The following IPO9 variants were observed in gnomAD, a reference collection of about 807,000 sequenced individuals.
IPO9 encodes the protein importin-9.
In IPO9, 28 loss-of-function variants were observed where a neutral mutation model predicts 128.6. The ratio of observed to expected loss-of-function variants is 0.22; its 90% CI spans 0.16 to 0.30. The LOEUF is 0.30. IPO9 is among the 10% of genes least tolerant of loss of function. The probability of loss-of-function intolerance (pLI) is 1.00; values close to 1 mark genes in which losing one functional copy is unlikely to be tolerated. For synonymous variants in IPO9, 455 were observed against 475.8 expected (o/e 0.96, Z 0.57); for missense variants, 935 against 1,293.9 (o/e 0.72, Z 4.26).
Position 201,879,134 on chromosome 1 carries a change from C to G in IPO9, c.*3080C>G, listed in dbSNP as rs1434366266. ...AAAGCCCTAGGAAGGAAGCTGATAA[C>G]ACAAGTTACAGACGTATATGTGACA... On this transcript the variant is annotated 3_prime_UTR_variant, in exon 24 of 24. Coordinates refer to ENST00000361565, the MANE Select transcript of IPO9 (RefSeq NM_018085.5). 6.6e-6 allele frequency: 1 copy of G among 152,110 alleles called. No homozygotes were observed. The highest frequency in any genetic ancestry group is 1.5e-5 in the Non-Finnish European group (1 of 68,008). The allele number at this position is 152,110 out of a possible 1,614,324, so 9.4% of individuals were successfully genotyped here.
intron 11 of IPO9, 24 bp from the exon 12 acceptor site, chr1:201,858,423 T>C: frequency 1.5e-6 from 2 of 1,365,252 alleles, no homozygotes; most frequent in Non-Finnish European, 2.0e-6. Context: ...ACAAACAGAT[T>C]TATTAGCTCT....
intron 21 of IPO9, 39 bp from the exon 22 acceptor site, chr1:201,874,792 GA>G: frequency 1.4e-6 from 2 of 1,392,724 alleles, no homozygotes; most frequent in Non-Finnish European, 2.0e-6. Flanking sequence ...GAAAATGCAT[GA>G]ATGTGCTCTA....
chr1:201,836,344 G>T (rs12406710), intron 1 of IPO9, among the ~76,000 whole-genome samples: 1 of 152,096 alleles, frequency 6.6e-6, no homozygotes, highest in Non-Finnish European at 1.5e-5. Context: ...AAGAGCTTTA[G>T]AATTATTTTC....
rs894029030 is a variant in IPO9 at position 201,876,087 on chromosome 1, G to A, written c.*33G>A. The A allele has an allele frequency of 3.5e-6, 5 of 1,427,176 alleles. No individual in the cohort carries two copies. The highest frequency in any genetic ancestry group is 5.0e-6 in the Non-Finnish European group (5 of 1,009,822). 88.4% of individuals were successfully genotyped at this position (1,427,176 alleles called of 1,614,324 possible). Reference sequence around the variant, plus strand: ...AGCCTTTCTACATTTGCTCCTTCTGGGCCAGCCGCAAACCATTTTGCAGCC... The same window carrying A: ...AGCCTTTCTACATTTGCTCCTTCTGAGCCAGCCGCAAACCATTTTGCAGCC... On this transcript the variant is annotated 3_prime_UTR_variant, in exon 24 of 24. Transcript: ENST00000361565.
intron 3 of IPO9, 46 bp downstream of exon 3, chr1:201,847,684 C>G (rs747436176): frequency 7.7e-7 from 1 of 1,300,648 alleles, no homozygotes; most frequent in Non-Finnish European, 1.1e-6. Flanking sequence ...TTTGAGGGTC[C>G]ATTTTAAGAG....
At chr1:201,853,204 AT>A in intron 6 of IPO9, 107 bp downstream of exon 6, 1 of 820,002 alleles carries the variant, frequency 1.2e-6, no homozygotes, top group Non-Finnish European at 2.1e-6. Context: ...ACTAACCAGT[AT>A]TAGAGATAGA....
intron 1 of IPO9, 37 bp downstream of exon 1, chr1:201,829,409 C>T (rs755784687): frequency 1.1e-5 from 16 of 1,508,076 alleles, no homozygotes; most frequent in South Asian, 3.8e-5. Context: ...ATGGCTCAGC[C>T]GCACAATCCG....
At chr1:201,853,891 A>G (rs566180899) in intron 6 of IPO9, among the ~76,000 whole-genome samples, 1 of 152,344 alleles carries the variant, frequency 6.6e-6, no homozygotes, top group East Asian at 1.9e-4. Flanking sequence ...GGCACGCGCC[A>G]TCATGCCCAG....
rs542599389 is a variant in IPO9, at chr1:201,858,486, C to G, written c.1261C>G (p.Leu421Val). The G allele has an allele frequency of 7.2e-5, 112 of 1,553,776 alleles. No homozygotes were observed. In the East Asian group the frequency reaches 2.5e-3, roughly 35 times the overall value. Residue 421 changes from leucine to valine, a missense_variant, in exon 12 of 24, where the codon CTG (leucine) becomes GTG (valine). Around this residue, in one of 3 missense-constraint regions of IPO9, gnomAD observed 741 missense variants for 1,019.1 expected, o/e 0.73. Transcript: ENST00000361565. ...TTTCCAGAATGAAAGTGCAGCAGCC[C>G]TGGCTGCTGCAGCCACTCGACATTT... Reference protein sequence around the residue: ...TDFQNESAAALAAAATRHLQE... With the variant: ...TDFQNESAAAVAAAATRHLQE...
intron 11 of IPO9, 38 bp downstream of exon 11, chr1:201,857,232 T>C (rs1223515534): frequency 3.8e-6 from 5 of 1,314,912 alleles, no homozygotes; most frequent in Non-Finnish European, 5.5e-6. Context: ...ATAATTTCTA[T>C]CAGTCACTTG....
chr1:201,862,332 C>T (rs996271469), intron 13 of IPO9, among the ~76,000 whole-genome samples: 6 of 151,844 alleles, frequency 4.0e-5, no homozygotes, highest in African/African-American at 1.5e-4. Context: ...GTGGTACGCA[C>T]CTGTAATCCC....
chr1:201,832,551 G>A (rs1679854551), intron 1 of IPO9, among the ~76,000 whole-genome samples: 1 of 152,222 alleles, frequency 6.6e-6, no homozygotes, highest in African/African-American at 2.4e-5. Flanking sequence ...GAGCCAACCG[G>A]CCAGGCCGGA....
Position 201,847,576 on chromosome 1 carries a change from T to C in IPO9, c.250T>C (p.Tyr84His). The C allele has an allele frequency of 1.2e-6, 2 of 1,614,014 alleles. No individual in the cohort carries two copies. The highest frequency in any genetic ancestry group is 2.2e-5 in the South Asian group (2 of 91,086). ...RQLASVILKQYVETHWCAQSE... is the reference protein window; with the variant it reads ...RQLASVILKQHVETHWCAQSE... ...GCTGGCATCAGTCATCTTGAAACAA[T>C]ATGTGGAGACTCACTGGTGTGCCCA... Residue 84 changes from tyrosine to histidine, a missense_variant, in exon 3 of 24, where the codon TAT becomes CAT. By Grantham distance (83) the Tyr-to-His change is moderately conservative. This residue lies in a region of IPO9 where 741 missense variants were observed against 1,019.1 expected (regional missense o/e 0.73). Coordinates refer to ENST00000361565, the MANE Select transcript of IPO9 (RefSeq NM_018085.5).
chr1:201,875,967 C>T lies in IPO9; in HGVS notation c.3039C>T (p.Cys1013=), dbSNP rs1190435820. The change falls in exon 24 of 24, where the codon TGC becomes TGT. Residue 1013 remains cysteine, a synonymous_variant. Transcript: ENST00000361565. The part of the protein sequence containing the change: ...DLQAYLTDFL[C]QFAQQPCYIM... ...AGGCATATCTCACAGATTTCCTCTGCCAGTTTGCTCAGCAGCCCTGCTACA... is the reference window on the plus strand; with the variant it reads ...AGGCATATCTCACAGATTTCCTCTGTCAGTTTGCTCAGCAGCCCTGCTACA... 1 of 1,612,176 alleles carries T rather than the reference C, an allele frequency of 6.2e-7. No individual in the cohort carries two copies. Among genetic ancestry groups the T allele is most frequent in the South Asian group, 1.1e-5 (1 of 91,058 alleles).
At chr1:201,843,134 C>G (rs1355597867) in intron 1 of IPO9, among the ~76,000 whole-genome samples, 1 of 152,180 alleles carries the variant, frequency 6.6e-6, no homozygotes, top group Non-Finnish European at 1.5e-5. Context: ...CAGTGCACCC[C>G]CTTCAGATAG....
chr1:201,868,826 T>A, intron 16 of IPO9, 30 bp downstream of exon 16: 1 of 1,537,780 alleles, frequency 6.5e-7, no homozygotes. Context: ...TGTGTGTGTG[T>A]GTGAGAGAGA....
intron 20 of IPO9, among the ~76,000 whole-genome samples, chr1:201,873,846 C>A (rs1558225871): frequency 1.3e-5 from 2 of 152,206 alleles, no homozygotes; most frequent in African/African-American, 4.8e-5. Flanking sequence ...GTCTTTGTTA[C>A]TGAGTTGCCT....
chr1:201,841,989 GTCAGT>G (rs1199098657), intron 1 of IPO9, among the ~76,000 whole-genome samples: 1 of 152,200 alleles, frequency 6.6e-6, no homozygotes, highest in Non-Finnish European at 1.5e-5. Flanking sequence ...CAAACAAGCA[GTCAGT>G]TCTGTAGTGG....
At chr1:201,844,696 A>G (rs1309490867) in intron 1 of IPO9, among the ~76,000 whole-genome samples, 1 of 152,200 alleles carries the variant, frequency 6.6e-6, no homozygotes. Flanking sequence ...ATGGACATAG[A>G]TCATTTTTAG....
Sources: allele counts gnomAD v4.1 joint callset (sites outside exome capture counted in the v4.1 genomes callset), GRCh38; gene constraint gnomAD v4.1.1; regional missense constraint gnomAD v4.1.1; transcripts MANE v1.5; gene names NCBI Gene and HGNC (gene_info 2026-07-23, HGNC 2026-07-21).